The following NAALADL2 variants were observed in gnomAD, a reference collection of about 807,000 sequenced individuals.
The protein encoded by NAALADL2 is N-acetylated alpha-linked acidic dipeptidase like 2.
Under a neutral mutation model 87.2 loss-of-function variants are expected in NAALADL2, and 76 were observed. The observed-to-expected ratio is 0.87, with a 90% CI of 0.72 to 1.05. The LOEUF is 1.05. Ranked by LOEUF, NAALADL2 falls within the 50% of genes least tolerant of loss-of-function variation. NAALADL2 has a pLI of 0.00. For missense variants in NAALADL2, 1,089 were observed against 945.8 expected (o/e 1.15, Z -1.99); for synonymous variants, 354 against 331.0 (o/e 1.07, Z -0.75).
intron 1 of NAALADL2, among the ~76,000 whole-genome samples, chr3:174,474,596 T>C (rs34115619): frequency 2.0e-5 from 3 of 152,160 alleles, no homozygotes; most frequent in Admixed American, 6.6e-5. Context: ...TGTACTTTTT[T>C]GTTGTGTGTT....
chr3:175,272,256 C>G (rs559961398), intron 4 of NAALADL2, among the ~76,000 whole-genome samples: 96 of 152,218 alleles, frequency 6.3e-4, no homozygotes, highest in Non-Finnish European at 9.3e-4. Flanking sequence ...AAAAAATCTG[C>G]TCCAGAAATG....
chr3:174,799,525 C>G (rs911891812), intron 3 of NAALADL2, among the ~76,000 whole-genome samples: 1 of 152,164 alleles, frequency 6.6e-6, no homozygotes, highest in Non-Finnish European at 1.5e-5. Context: ...TCCTTGCCTT[C>G]CACCATGACT....
intron 1 of NAALADL2, among the ~76,000 whole-genome samples, chr3:174,932,798 T>C (rs760494583): frequency 3.9e-5 from 6 of 152,168 alleles, no homozygotes; most frequent in Non-Finnish European, 7.4e-5. Flanking sequence ...TAGTGTAATA[T>C]GTTATTGAGA....
intron 13 of NAALADL2, among the ~76,000 whole-genome samples, chr3:175,798,826 CTG>C (rs1196676963): frequency 4.6e-5 from 7 of 152,102 alleles, no homozygotes; most frequent in Admixed American, 2.0e-4. Flanking sequence ...CAGGATTAAT[CTG>C]TAACTTTTAT....
At chr3:174,856,856 G>A (rs926882195), upstream of NAALADL2, among the ~76,000 whole-genome samples, 13 of 152,100 alleles carry the variant, frequency 8.5e-5, no homozygotes, top group African/African-American at 2.7e-4. Flanking sequence ...TTACAGCCAC[G>A]GTGTGTGATA....
intron 10 of NAALADL2, among the ~76,000 whole-genome samples, chr3:175,576,900 T>C (rs1718987493): frequency 6.6e-6 from 1 of 152,226 alleles, no homozygotes; most frequent in African/African-American, 2.4e-5. Flanking sequence ...AACAAAATAA[T>C]GGCTGGAAAG....
chr3:174,997,936 C>T (rs1455412806), intron 1 of NAALADL2, among the ~76,000 whole-genome samples: 1 of 152,094 alleles, frequency 6.6e-6, no homozygotes, highest in African/African-American at 2.4e-5. Flanking sequence ...TTGGTGACAA[C>T]AGGAACAGTG....
chr3:175,691,383 CTG>C (rs1295714516), intron 11 of NAALADL2, among the ~76,000 whole-genome samples: 1 of 151,226 alleles, frequency 6.6e-6, no homozygotes, highest in Non-Finnish European at 1.5e-5. Context: ...TTCGGATTCA[CTG>C]TTTTATTTGT....
At chr3:174,841,471 C>T (rs1206278566) in intron 3 of NAALADL2, among the ~76,000 whole-genome samples, 1 of 152,164 alleles carries the variant, frequency 6.6e-6, no homozygotes, top group Non-Finnish European at 1.5e-5. Context: ...TGCCAACTTC[C>T]TACATCACAG....
At chr3:175,068,919 A>G (rs899677763) in intron 1 of NAALADL2, among the ~76,000 whole-genome samples, 2 of 152,126 alleles carry the variant, frequency 1.3e-5, no homozygotes, top group South Asian at 2.1e-4. Context: ...GCCAGCAATT[A>G]TATGTTGGTT....
At chr3:174,877,869 A>G (rs991201276) in intron 1 of NAALADL2, among the ~76,000 whole-genome samples, 3 of 152,100 alleles carry the variant, frequency 2.0e-5, no homozygotes, top group African/African-American at 4.8e-5. Context: ...CACTATCATA[A>G]GATAGCAAAT....
intron 1 of NAALADL2, among the ~76,000 whole-genome samples, chr3:174,448,318 C>G (rs903434279): frequency 6.6e-6 from 1 of 152,126 alleles, no homozygotes; most frequent in African/African-American, 2.4e-5. Flanking sequence ...TATGTAGATT[C>G]ATGTAATCGT....
chr3:174,672,423 C>G (rs551569082), intron 2 of NAALADL2, among the ~76,000 whole-genome samples: 1 of 151,668 alleles, frequency 6.6e-6, no homozygotes, highest in South Asian at 2.1e-4. Context: ...GGGTCAGGCT[C>G]TATTCTATCA....
At chr3:174,711,084 A>T (rs563453633) in intron 2 of NAALADL2, among the ~76,000 whole-genome samples, 1 of 152,132 alleles carries the variant, frequency 6.6e-6, no homozygotes, top group Non-Finnish European at 1.5e-5. Context: ...TCTCATGTCT[A>T]TGTCCCCATG....
At chr3:175,046,241 G>C (rs1754651089) in intron 1 of NAALADL2, among the ~76,000 whole-genome samples, 1 of 152,094 alleles carries the variant, frequency 6.6e-6, no homozygotes, top group South Asian at 2.1e-4. Context: ...TTTAAATGCA[G>C]ATTCGGAATT....
chr3:174,789,148 TG>T (rs1717159161), intron 3 of NAALADL2, among the ~76,000 whole-genome samples: 1 of 152,204 alleles, frequency 6.6e-6, no homozygotes, highest in South Asian at 2.1e-4. Flanking sequence ...TTGCTTCATT[TG>T]TAACTGTCTT....
rs542725080 is a variant in NAALADL2, at chr3:175,458,292, T to C, written c.1235-5109T>C. Among the ~76,000 whole-genome samples the C allele has an allele frequency of 2.8e-4, 42 of 152,020 alleles. No homozygotes were observed. In the South Asian group the frequency reaches 8.7e-3, roughly 31 times the overall value. On this transcript the variant is annotated intron_variant, in intron 6 of 13. Coordinates refer to ENST00000454872, the MANE Select transcript of NAALADL2 (RefSeq NM_207015.3). ...CTAGGAAAATATAGTTATATTTTAA[T>C]ATTACATTTGTATGTAAGTATATAA...
At chr3:175,166,037 ATAT>A (rs1733952702) in intron 2 of NAALADL2, among the ~76,000 whole-genome samples, 2 of 102,348 alleles carry the variant, frequency 2.0e-5, no homozygotes, top group South Asian at 6.2e-4. Flanking sequence ...AAGGGACTCC[ATAT>A]TTTTTTTTTT....
chr3:174,842,847 A>G (rs1286832232), intron 3 of NAALADL2, among the ~76,000 whole-genome samples: 1 of 151,980 alleles, frequency 6.6e-6, no homozygotes. Flanking sequence ...TGGCTTATTT[A>G]CTTAATAAAA....
Sources: gnomAD v4.1 joint callset for allele counts (sites outside exome capture counted in the v4.1 genomes callset) on GRCh38, gnomAD v4.1.1 for gene constraint, MANE v1.5 for transcripts, NCBI Gene and HGNC (gene_info 2026-07-23, HGNC 2026-07-21) for gene names.